The following TMEM154 variants were observed in gnomAD, a reference collection of about 807,000 sequenced individuals.
TMEM154 encodes transmembrane protein 154.
In TMEM154, 27 loss-of-function variants were observed where a neutral mutation model predicts 24.5. The ratio of observed to expected loss-of-function variants is 1.10; its 90% confidence interval spans 0.81 to 1.52. The LOEUF (loss-of-function observed/expected upper bound fraction) is 1.52, where lower values mean the gene tolerates loss of function less well. Ranked by LOEUF, TMEM154 falls within the 40% of genes most tolerant of loss-of-function variation. TMEM154 has a pLI of 0.00. For missense variants in TMEM154, 228 were observed against 213.4 expected (o/e 1.07, Z -0.43); for synonymous variants, 67 against 76.8 (o/e 0.87, Z 0.67).
chr4:152,642,775 T>C (rs567794970), intron 5 of TMEM154, among the ~76,000 whole-genome samples: 103 of 152,286 alleles, frequency 6.8e-4, no homozygotes, highest in South Asian at 1.4e-3. Flanking sequence ...AATTCTGTAA[T>C]GTATAAGGTA....
At chr4:152,629,569 C>T (rs867252177) in intron 6 of TMEM154, among the ~76,000 whole-genome samples, 9 of 152,188 alleles carry the variant, frequency 5.9e-5, no homozygotes, top group East Asian at 1.9e-4. Flanking sequence ...CCCTTCCTCG[C>T]GCTTCTCTTT....
At chr4:152,638,462 G>A (rs1752191151) in intron 6 of TMEM154, among the ~76,000 whole-genome samples, 4 of 152,210 alleles carry the variant, frequency 2.6e-5, no homozygotes, top group South Asian at 4.2e-4. Flanking sequence ...ATAATGCTTC[G>A]CCCACCAGTA....
At chr4:152,640,653 A>T (rs1752237043) in intron 6 of TMEM154, among the ~76,000 whole-genome samples, 1 of 152,234 alleles carries the variant, frequency 6.6e-6, no homozygotes, top group Non-Finnish European at 1.5e-5. Flanking sequence ...TATGACTAAA[A>T]CAGAAGCTGA....
At chr4:152,628,718 G>T (rs1466112331) in intron 6 of TMEM154, among the ~76,000 whole-genome samples, 157 bp from the exon 7 acceptor site, 2 of 147,576 alleles carry the variant, frequency 1.4e-5, no homozygotes, top group African/African-American at 5.0e-5. Flanking sequence ...CCCACTGCAA[G>T]CTCCACCTCC....
At chr4:152,647,040 T>A (rs908179397) in intron 3 of TMEM154, 17 of 777,440 alleles carry the variant, frequency 2.2e-5, no homozygotes, top group Non-Finnish European at 3.7e-5. Flanking sequence ...CATGTTTCCC[T>A]TTCCCTGAAC....
chr4:152,644,507 C>A, intron 3 of TMEM154, 65 bp from the exon 4 acceptor site: 12 of 1,513,026 alleles, frequency 7.9e-6, no homozygotes, highest in Non-Finnish European at 1.1e-5. Context: ...TTAATTTCAA[C>A]AACAGCTGAA....
intron 3 of TMEM154, among the ~76,000 whole-genome samples, chr4:152,652,141 T>C (rs998046673): frequency 8.2e-6 from 1 of 122,264 alleles, no homozygotes; most frequent in African/African-American, 2.8e-5. Flanking sequence ...GGCATAGTAG[T>C]ATTGAAAACA....
chr4:152,661,737 T>A (rs751169924), intron 1 of TMEM154, among the ~76,000 whole-genome samples: 1 of 152,208 alleles, frequency 6.6e-6, no homozygotes, highest in Non-Finnish European at 1.5e-5. Context: ...ACATCTCTGT[T>A]GATTCCAAAG....
At chr4:152,628,821 T>A (rs1441878615) in intron 6 of TMEM154, among the ~76,000 whole-genome samples, 3 of 150,786 alleles carry the variant, frequency 2.0e-5, no homozygotes, top group Admixed American at 1.3e-4. Context: ...TATTTTTTTT[T>A]TTTTTAGTAG....
At chr4:152,672,219 T>C (rs967273172) in intron 1 of TMEM154, among the ~76,000 whole-genome samples, 6 of 151,788 alleles carry the variant, frequency 4.0e-5, no homozygotes, top group Middle Eastern at 3.4e-3. Flanking sequence ...ATCGTGCCAC[T>C]GTACTATACA....
At chr4:152,647,223 C>G in intron 3 of TMEM154, 6 of 985,040 alleles carry the variant, frequency 6.1e-6, no homozygotes, top group Non-Finnish European at 7.2e-6. Flanking sequence ...TTCTAACTTC[C>G]CAGGGGACAT....
chr4:152,642,930 G>C (rs922200148), intron 5 of TMEM154, among the ~76,000 whole-genome samples, 158 bp downstream of exon 5: 6 of 152,164 alleles, frequency 3.9e-5, no homozygotes, highest in East Asian at 3.8e-4. Context: ...GAATATTTAA[G>C]TATTGTCAGA....
intron 1 of TMEM154, among the ~76,000 whole-genome samples, chr4:152,672,978 C>T (rs190468728): frequency 6.6e-6 from 1 of 152,278 alleles, no homozygotes; most frequent in African/African-American, 2.4e-5. Context: ...ATAAAGGAAG[C>T]TGGCTGGGTT....
chr4:152,651,566 T>C (rs1728383515), intron 3 of TMEM154, among the ~76,000 whole-genome samples: 1 of 152,212 alleles, frequency 6.6e-6, no homozygotes, highest in African/African-American at 2.4e-5. Context: ...TCAGCCTTTG[T>C]AGAATTAAGG....
At chr4:152,659,215 C>T (rs1345783822) in intron 1 of TMEM154, among the ~76,000 whole-genome samples, 1 of 152,144 alleles carries the variant, frequency 6.6e-6, no homozygotes, top group Non-Finnish European at 1.5e-5. Flanking sequence ...TATGCTGCAA[C>T]ATAGATAAAG....
intron 5 of TMEM154, 90 bp from the exon 6 acceptor site, chr4:152,641,075 T>C: frequency 7.9e-7 from 1 of 1,261,112 alleles, no homozygotes; most frequent in South Asian, 1.4e-5. Context: ...CATAGTTCTC[T>C]GATCTGCGTG....
At chr4:152,657,395 A>G (rs565053266) in intron 1 of TMEM154, among the ~76,000 whole-genome samples, 1 of 150,938 alleles carries the variant, frequency 6.6e-6, no homozygotes, top group South Asian at 2.1e-4. Context: ...GCTCCTGAAA[A>G]CCCAGCTACT....
chr4:152,665,837 G>A (rs1728709640), intron 1 of TMEM154, among the ~76,000 whole-genome samples: 1 of 149,320 alleles, frequency 6.7e-6, no homozygotes, highest in Admixed American at 6.7e-5. Context: ...GCCCAGCCTG[G>A]AGTGCAGTGG....
intron 3 of TMEM154, chr4:152,646,616 T>A: frequency 3.8e-6 from 1 of 260,124 alleles, no homozygotes; most frequent in Admixed American, 5.1e-5. Flanking sequence ...AAACCCCTAT[T>A]CCATTTTCCC....
Sources: gnomAD v4.1 joint callset for allele counts (sites outside exome capture counted in the v4.1 genomes callset) on GRCh38, gnomAD v4.1.1 for gene constraint, MANE v1.5 for transcripts, NCBI Gene and HGNC (gene_info 2026-07-23, HGNC 2026-07-21) for gene names.